The following EHMT1 variants were observed in gnomAD, a reference collection of about 807,000 sequenced individuals.
EHMT1 encodes the protein euchromatic histone lysine methyltransferase 1.
A neutral mutation model predicts 147.2 loss-of-function variants in EHMT1; 15 were observed. The ratio of observed to expected loss-of-function variants is 0.10; its 90% confidence interval spans 0.07 to 0.16. The LOEUF (loss-of-function observed/expected upper bound fraction) is 0.16, where lower values mean the gene tolerates loss of function less well. Among genes scored for constraint, EHMT1 ranks in the 10% least tolerant of loss-of-function variants. EHMT1 has a pLI of 1.00. For missense variants in EHMT1, 1,587 were observed against 1,772.4 expected (o/e 0.90, Z 1.88); for synonymous variants, 795 against 709.6 (o/e 1.12, Z -1.91).
chr9:137,784,376 A>C (rs1287077520), intron 15 of EHMT1: 2 of 1,266,698 alleles, frequency 1.6e-6, no homozygotes, highest in East Asian at 5.9e-5. Flanking sequence ...CCGGTAAATA[A>C]ATTGCATTCA....
Position 137,716,721 on chromosome 9 carries a change from A to C in EHMT1, c.181A>C (p.Ser61Arg). The change falls in exon 3 of 27, where the codon AGC becomes CGC. Residue 61 changes from serine (S) to arginine (R), a missense_variant. Ser to Arg is a moderately radical substitution (Grantham distance 110). Coordinates refer to ENST00000460843, the MANE Select transcript of EHMT1 (RefSeq NM_024757.5). ...TGAGACCAATGGGTCTTGTGAAAAC[A>C]GCGATGCCAGCAGTCATGCAAATGC... ...DGETNGSCENSDASSHANAAK... is the reference protein window; with the variant it reads ...DGETNGSCENRDASSHANAAK... 4 of 1,612,084 alleles carry C rather than the reference A, an allele frequency of 2.5e-6. 1 individual carries two copies. The South Asian group carries it at 4.4e-5, about 18-fold the overall frequency.
chr9:137,818,000 C>T, intron 24 of EHMT1, 60 bp from the exon 25 acceptor site: 1 of 1,539,570 alleles, frequency 6.5e-7, no homozygotes, highest in Non-Finnish European at 9.0e-7. Context: ...CTGGGCTGTG[C>T]TTGTCTGTGG....
chr9:137,635,450 C>G (rs969265910), intron 1 of EHMT1, among the ~76,000 whole-genome samples: 1 of 151,522 alleles, frequency 6.6e-6, no homozygotes, highest in South Asian at 2.1e-4. Context: ...CTTCTGACCT[C>G]GTGATTCGCC....
rs765146213 is a variant in EHMT1 at position 137,787,488 on chromosome 9, C to T, written c.2383-3360C>T. ...AGGCATGACTGACCAGGGCCAGGGC[C>T]GTGCCCAGCTCGGCCACGGCCACAC... On this transcript the variant is annotated intron_variant, in intron 15 of 26. Transcript: ENST00000460843. The surrounding 1 kb of genome is among the most constrained non-coding windows in gnomAD (Gnocchi z 4.2). Among the ~76,000 whole-genome samples, 2 of 152,200 alleles carry T rather than the reference C, an allele frequency of 1.3e-5. No individual in the cohort carries two copies. Among genetic ancestry groups the T allele is most frequent in the African/African-American group, 2.4e-5 (1 of 41,464 alleles).
chr9:137,813,103 C>A lies in EHMT1; in HGVS notation c.2965C>A (p.Leu989Met). 1 of 1,613,522 alleles carries A rather than the reference C, an allele frequency of 6.2e-7. No individual in the cohort carries two copies. Among genetic ancestry groups the A allele is most frequent in the Non-Finnish European group, 8.5e-7 (1 of 1,180,036 alleles). Reference sequence around the variant, plus strand: ...CCTCAACTCTCAGGTGTGGAGCGCTCTGCAGATGAGCAAGGCTCTGCAGGA... The same window carrying A: ...CCTCAACTCTCAGGTGTGGAGCGCTATGCAGATGAGCAAGGCTCTGCAGGA... ...ASLNSQVWSA[L>M]QMSKALQDSA... The change falls in exon 20 of 27, where the codon CTG becomes ATG. Residue 989 changes from leucine to methionine, a missense_variant. Around this residue, in one of 7 missense-constraint regions of EHMT1, gnomAD observed 78 missense variants for 68.9 expected, o/e 1.13. Coordinates refer to ENST00000460843, the MANE Select transcript of EHMT1 (RefSeq NM_024757.5). This position sits in a 1 kb window ranked among gnomAD's most constrained non-coding sequence, Gnocchi z 4.9.
intron 1 of EHMT1, among the ~76,000 whole-genome samples, chr9:137,639,997 C>T (rs1005489208): frequency 7.9e-5 from 12 of 152,026 alleles, no homozygotes; most frequent in East Asian, 5.8e-4. Flanking sequence ...TGCAATGGCG[C>T]GATCTTGGCT....
intron 1 of EHMT1, among the ~76,000 whole-genome samples, chr9:137,676,765 G>C (rs1941381781): frequency 6.6e-6 from 1 of 152,208 alleles, no homozygotes; most frequent in Non-Finnish European, 1.5e-5. Flanking sequence ...GAAGTGGGTG[G>C]GGTCACGGAA....
chr9:137,769,959 C>T (rs1359926343), intron 10 of EHMT1, among the ~76,000 whole-genome samples: 3 of 152,166 alleles, frequency 2.0e-5, no homozygotes, highest in African/African-American at 7.2e-5. Flanking sequence ...GCCTTGGCCC[C>T]ACAAATAGCT....
chr9:137,798,643 G>A (rs936901658), intron 16 of EHMT1, among the ~76,000 whole-genome samples, 170 bp from the exon 17 acceptor site: 4 of 152,182 alleles, frequency 2.6e-5, no homozygotes, highest in Non-Finnish European at 2.9e-5. Context: ...TGCACACAGC[G>A]CTTGGACCTC....
chr9:137,759,705 T>C (rs1453848579), intron 9 of EHMT1, among the ~76,000 whole-genome samples: 2 of 152,256 alleles, frequency 1.3e-5, no homozygotes, highest in Admixed American at 6.5e-5. Flanking sequence ...AGTCATGCTC[T>C]TGATGTAGAT....
intron 2 of EHMT1, 105 bp downstream of exon 2, chr9:137,711,135 T>A (rs1588290885): frequency 8.2e-7 from 1 of 1,213,754 alleles, no homozygotes; most frequent in East Asian, 2.6e-5. Context: ...CTTTCTTTGC[T>A]TCACCTAGGT....
intron 1 of EHMT1, among the ~76,000 whole-genome samples, chr9:137,696,703 T>G (rs1018580226): frequency 3.3e-5 from 5 of 151,900 alleles, no homozygotes; most frequent in Admixed American, 6.6e-5. Flanking sequence ...CGCACAAGGG[T>G]TTTTCCTTCC....
At chr9:137,684,692 C>T (rs1177027541) in intron 1 of EHMT1, among the ~76,000 whole-genome samples, 1 of 152,026 alleles carries the variant, frequency 6.6e-6, no homozygotes, top group African/African-American at 2.4e-5. Context: ...AGGGTTTTAC[C>T]ACTTTGCCCA....
At chr9:137,834,241 C>A in intron 25 of EHMT1, 108 bp from the exon 26 acceptor site, 1 of 1,437,542 alleles carries the variant, frequency 7.0e-7, no homozygotes, top group Non-Finnish European at 9.5e-7. Context: ...GCATGGCGGG[C>A]CTGCGCCCAA....
In EHMT1 at chr9:137,834,970, G is replaced by A. The variant is rs886063744; in HGVS notation, c.*17G>A. The A allele has an allele frequency of 1.4e-5, 19 of 1,393,622 alleles. No homozygotes were observed. Among genetic ancestry groups the A allele is most frequent in the Admixed American group, 7.1e-5 (2 of 28,198 alleles). 86.3% of individuals were successfully genotyped at this position (1,393,622 alleles called of 1,614,324 possible). On this transcript the variant is annotated 3_prime_UTR_variant, in exon 27 of 27. Transcript: ENST00000460843. ...CCCCTATGAGACGCCGCCGGCCAGCGGGGCGCTCGGGAGCCAGGGACCGCC... is the reference window on the plus strand; with the variant it reads ...CCCCTATGAGACGCCGCCGGCCAGCAGGGCGCTCGGGAGCCAGGGACCGCC...
intron 1 of EHMT1, among the ~76,000 whole-genome samples, chr9:137,694,279 G>A (rs1302320314): frequency 2.5e-4 from 28 of 113,344 alleles, no homozygotes; most frequent in Admixed American, 1.3e-3. Context: ...GACGCTGGCC[G>A]ATACCCCCAC....
chr9:137,697,285 A>G, intron 1 of EHMT1: 1 of 219,974 alleles, frequency 4.5e-6, no homozygotes, highest in Non-Finnish European at 9.7e-6. Flanking sequence ...TTTCAAAACA[A>G]ACAAACAACC....
At chr9:137,635,429 CTGG>C (rs1448142330) in intron 1 of EHMT1, among the ~76,000 whole-genome samples, 1 of 151,116 alleles carries the variant, frequency 6.6e-6, no homozygotes, top group Non-Finnish European at 1.5e-5. Context: ...GTTGGACAGG[CTGG>C]TCTTGAACTT....
In EHMT1 at chr9:137,673,341, G is replaced by A. The variant is rs142753984; in HGVS notation, c.22-37626G>A. The stretch of plus-strand genomic sequence containing the variant: ...TATTTGTTGTATTTCTGATAGGACC[G>A]TTGCTCACGTTGCTCTTCTGATCTG... On this transcript the variant is annotated intron_variant, in intron 1 of 26. Transcript: ENST00000460843. Among the ~76,000 whole-genome samples the A allele has an allele frequency of 5.0e-4, 76 of 152,260 alleles. 1 individual carries two copies. Among genetic ancestry groups the A allele is most frequent in the African/African-American group, 1.7e-3 (71 of 41,536 alleles).
Sources: allele counts gnomAD v4.1 joint callset (sites outside exome capture counted in the v4.1 genomes callset), GRCh38; gene constraint gnomAD v4.1.1; regional missense constraint gnomAD v4.1.1; non-coding constraint Gnocchi (gnomAD v3.1); transcripts MANE v1.5; gene names NCBI Gene and HGNC (gene_info 2026-07-23, HGNC 2026-07-21).